CATSPERE: variants seen among roughly 807,000 people sequenced by gnomAD.
CATSPERE encodes catsper channel auxiliary subunit epsilon, also known as cation channel sperm-associated auxiliary subunit epsilon.
Under a neutral mutation model 114.1 loss-of-function variants are expected in CATSPERE, and 93 were observed. The observed-to-expected ratio is 0.81, with a 90% CI of 0.69 to 0.97. CATSPERE has a LOEUF of 0.97. CATSPERE is among the 50% of genes least tolerant of loss of function. The pLI is 0.00. For missense variants in CATSPERE, 1,058 were observed against 1,131.6 expected (o/e 0.93, Z 0.93); for synonymous variants, 341 against 384.1 (o/e 0.89, Z 1.31).
intron 1 of CATSPERE, among the ~76,000 whole-genome samples, chr1:244,462,986 A>G (rs1667048387): frequency 6.6e-6 from 1 of 152,318 alleles, no homozygotes; most frequent in South Asian, 2.1e-4. Context: ...GATTTATGAT[A>G]GTCACCAGCT....
intron 2 of CATSPERE, among the ~76,000 whole-genome samples, chr1:244,468,650 G>T (rs1223154446): frequency 6.6e-6 from 1 of 152,140 alleles, no homozygotes; most frequent in Non-Finnish European, 1.5e-5. Flanking sequence ...CTAGTGTTGT[G>T]GCTTATGCCT....
At chr1:244,621,974 C>T (rs1047190396) in intron 20 of CATSPERE, among the ~76,000 whole-genome samples, 1 of 152,144 alleles carries the variant, frequency 6.6e-6, no homozygotes, top group Non-Finnish European at 1.5e-5. Context: ...TGTCATTAAC[C>T]GTAAATAATC....
chr1:244,627,405 T>C (rs941295603), intron 20 of CATSPERE, among the ~76,000 whole-genome samples: 1 of 151,982 alleles, frequency 6.6e-6, no homozygotes, highest in African/African-American at 2.4e-5. Context: ...ATCCCATCAC[T>C]ACAACAATTT....
Position 244,568,144 on chromosome 1 carries a change from CCT to C in CATSPERE, c.1508-4185_1508-4184del, listed in dbSNP as rs549245466. 9.2e-5 allele frequency among the ~76,000 whole-genome samples: 14 copies of C among 152,238 alleles called. No homozygotes were observed. The East Asian group carries it at 2.1e-3, about 23-fold the overall frequency. On this transcript the variant is annotated intron_variant, in intron 10 of 21. Transcript: ENST00000366534. The surrounding 1 kb of genome is among the most constrained non-coding windows in gnomAD (Gnocchi z 4.4). ...AGTTTGCTGGAGGTCCACTCCAGCC[CCT>C]GTTTGCCTGGGTATCACCAGCAGAG...
At chr1:244,537,043 C>T (rs1031819994) in intron 8 of CATSPERE, among the ~76,000 whole-genome samples, 2 of 152,036 alleles carry the variant, frequency 1.3e-5, no homozygotes, top group Non-Finnish European at 2.9e-5. Context: ...TTTTATTTCA[C>T]TTTCTCATGT....
chr1:244,461,490 T>C lies in CATSPERE; in HGVS notation c.61T>C (p.Trp21Arg). The change falls in exon 1 of 22, where the codon TGG (tryptophan) becomes CGG (arginine). Residue 21 changes from tryptophan to arginine, a missense_variant. Around this residue, in one of 2 missense-constraint regions of CATSPERE, gnomAD observed 271 missense variants for 225.9 expected, o/e 1.20. Transcript: ENST00000366534. ...LWLSCYGSALWRYSTNSPNYR... is the reference protein window; with the variant it reads ...LWLSCYGSALRRYSTNSPNYR... The stretch of plus-strand genomic sequence containing the variant: ...GCTGAGCTGCTATGGCTCCGCCCTT[T>C]GGAGGTAGAGAGACGCCAGTCGCAG... 1 of 1,325,432 alleles carries C rather than the reference T, an allele frequency of 7.5e-7. No individual in the cohort carries two copies. Among genetic ancestry groups the C allele is most frequent in the Non-Finnish European group, 9.7e-7 (1 of 1,029,728 alleles). 82.1% of individuals were successfully genotyped at this position (1,325,432 alleles called of 1,614,324 possible).
In CATSPERE at chr1:244,575,726, C is replaced by T. The variant is rs190845010; in HGVS notation, c.1950+2954C>T. On this transcript the variant is annotated intron_variant, in intron 11 of 21. Transcript: ENST00000366534. The surrounding 1 kb of genome is among the most constrained non-coding windows in gnomAD (Gnocchi z 4.5). Reference sequence around the variant, plus strand: ...TTCCCTTGCCTCTGCCAGCCGCCTACGCTGCTGTTCTCCCCTCTCCTTCCC... The same window carrying T: ...TTCCCTTGCCTCTGCCAGCCGCCTATGCTGCTGTTCTCCCCTCTCCTTCCC... Among the ~76,000 whole-genome samples the T allele has an allele frequency of 1.5e-3, 224 of 152,182 alleles. No individual in the cohort carries two copies. The highest frequency in any genetic ancestry group is 4.5e-3 in the African/African-American group (185 of 41,510).
At chr1:244,490,565 A>C (rs1671896529) in intron 6 of CATSPERE, 94 bp downstream of exon 6, 5 of 829,904 alleles carry the variant, frequency 6.0e-6, no homozygotes, top group Non-Finnish European at 9.8e-6. Context: ...GGAATTTTTC[A>C]AATGAATTTT....
intron 11 of CATSPERE, among the ~76,000 whole-genome samples, chr1:244,574,252 G>C (rs2148583999): frequency 6.6e-6 from 1 of 152,298 alleles, no homozygotes; most frequent in Admixed American, 6.5e-5. Context: ...CTGCGAACTG[G>C]AACATGCCTG....
chr1:244,632,550 GTA>G (rs1441735700), intron 20 of CATSPERE, among the ~76,000 whole-genome samples: 1 of 151,830 alleles, frequency 6.6e-6, no homozygotes, highest in Admixed American at 6.6e-5. Context: ...CTTAAGAATG[GTA>G]TATATACAAA....
At chr1:244,463,843 A>G in intron 1 of CATSPERE, 65 bp from the exon 2 acceptor site, 1 of 1,370,316 alleles carries the variant, frequency 7.3e-7, no homozygotes, top group Non-Finnish European at 1.0e-6. Flanking sequence ...CTGACCATGT[A>G]GAGAATCCTC....
intron 5 of CATSPERE, among the ~76,000 whole-genome samples, chr1:244,490,202 G>C (rs1324296479): frequency 6.6e-6 from 1 of 152,014 alleles, no homozygotes; most frequent in Non-Finnish European, 1.5e-5. Flanking sequence ...ATGTTATTGA[G>C]GCAGGAAGCA....
chr1:244,618,203 C>T (rs1003040974), intron 20 of CATSPERE, among the ~76,000 whole-genome samples: 7 of 152,124 alleles, frequency 4.6e-5, no homozygotes, highest in East Asian at 1.9e-4. Context: ...CAGAGACAGA[C>T]GCTTCCAGTG....
At chr1:244,505,208 C>T (rs1674639791) in intron 7 of CATSPERE, among the ~76,000 whole-genome samples, 1 of 152,106 alleles carries the variant, frequency 6.6e-6, no homozygotes, top group African/African-American at 2.4e-5. Flanking sequence ...CTATAAGATG[C>T]TCCAAGCTAA....
intron 19 of CATSPERE, among the ~76,000 whole-genome samples, chr1:244,616,213 C>G (rs930858955): frequency 6.6e-6 from 1 of 152,106 alleles, no homozygotes; most frequent in African/African-American, 2.4e-5. Context: ...CAGCAGTAAG[C>G]AATAAGCTTC....
At position 244,551,174 on chromosome 1, in the gene CATSPERE, G is replaced by C. The variant is rs190509437; in HGVS notation, c.537-1148G>C. Among the ~76,000 whole-genome samples, 1,048 of 152,222 alleles carry C rather than the reference G, an allele frequency of 6.9e-3. 9 individuals are homozygous for C. The highest frequency in any genetic ancestry group is 0.02 in the Middle Eastern group (6 of 294). On this transcript the variant is annotated intron_variant, in intron 8 of 21. Transcript: ENST00000366534. ...AAATAAAGCTCTTTTCAGATATTCA[G>C]GGTCTCAAAAAATGTATGTTTATAC... is the stretch of plus-strand genomic sequence containing the variant.
chr1:244,570,094 ATGT>A, intron 10 of CATSPERE, among the ~76,000 whole-genome samples: 1 of 152,306 alleles, frequency 6.6e-6, no homozygotes, highest in Non-Finnish European at 1.5e-5. Flanking sequence ...CCAACCAGGA[ATGT>A]TGTATCTTTT....
intron 17 of CATSPERE, among the ~76,000 whole-genome samples, chr1:244,597,148 T>C (rs1668546634): frequency 6.6e-6 from 1 of 152,134 alleles, no homozygotes; most frequent in Non-Finnish European, 1.5e-5. Flanking sequence ...TACAGGTCTT[T>C]CTCCCACCAA....
intron 8 of CATSPERE, among the ~76,000 whole-genome samples, chr1:244,546,711 A>G (rs572965228): frequency 7.9e-5 from 12 of 152,320 alleles, no homozygotes; most frequent in Admixed American, 6.5e-4. Flanking sequence ...TGCAATAGAG[A>G]GCATCAACAG....
Sources: gnomAD v4.1 joint callset for allele counts (sites outside exome capture counted in the v4.1 genomes callset) on GRCh38, gnomAD v4.1.1 for gene constraint, gnomAD v4.1.1 regional missense constraint, Gnocchi (gnomAD v3.1) non-coding constraint, MANE v1.5 for transcripts, NCBI Gene and HGNC (gene_info 2026-07-23, HGNC 2026-07-21) for gene names.